Variants in SIGIRR observed in about 807,000 individuals in gnomAD.
SIGIRR encodes single Ig and TIR domain containing.
Under a neutral mutation model 45.6 loss-of-function variants are expected in SIGIRR, and 41 were observed. That is an observed-to-expected ratio of 0.90 (90% CI 0.70 to 1.17). SIGIRR has a LOEUF of 1.17. SIGIRR is among the 50% of genes most tolerant of loss of function. SIGIRR has a pLI of 0.00. For synonymous variants in SIGIRR, 298 were observed against 239.0 expected (o/e 1.25, Z -2.28); for missense variants, 599 against 539.6 (o/e 1.11, Z -1.09).
chr11:416,751 G>C (rs1847895240), upstream of SIGIRR, among the ~76,000 whole-genome samples: 1 of 152,144 alleles, frequency 6.6e-6, no homozygotes, highest in South Asian at 2.1e-4. The surrounding 1 kb of genome is among the most constrained non-coding windows in gnomAD (Gnocchi z 9.1). Flanking sequence ...AGGGGCTCTG[G>C]TTCGCTCCCC....
Position 408,823 on chromosome 11 carries a change from G to A in SIGIRR, c.78C>T (p.Ser26=). The change falls in exon 3 of 10, where the codon AGC becomes AGT. Residue 26 remains serine, a synonymous_variant. Coordinates refer to ENST00000431843, the MANE Select transcript of SIGIRR (RefSeq NM_001135054.2). ...EDQVLRPALG[S]SVALNCTAWV... Reference sequence around the variant, plus strand: ...AAGCCGTGCAGTTCAGAGCCACTGAGCTGCCCAAGGCAGGCCTCAGCACCT... The same window carrying A: ...AAGCCGTGCAGTTCAGAGCCACTGAACTGCCCAAGGCAGGCCTCAGCACCT... 1 of 1,612,812 alleles carries A rather than the reference G, an allele frequency of 6.2e-7. No individual in the cohort carries two copies. The highest frequency in any genetic ancestry group is 8.5e-7 in the Non-Finnish European group (1 of 1,179,980).
rs1847309804 is a variant in SIGIRR at position 406,493 on chromosome 11, G to A, written c.925C>T (p.Arg309Trp). The A allele has an allele frequency of 6.2e-7, 1 of 1,611,630 alleles. No individual in the cohort carries two copies. The highest frequency in any genetic ancestry group is 8.5e-7 in the Non-Finnish European group (1 of 1,179,098). Residue 309 changes from arginine to tryptophan, a missense_variant, in exon 9 of 10, where the codon CGG (arginine) becomes TGG (tryptophan). By Grantham distance (101) the Arg-to-Trp change is moderately radical. Coordinates refer to ENST00000431843, the MANE Select transcript of SIGIRR (RefSeq NM_001135054.2). ...TCCACAGGCCTGTACTGCACCTTCCGCGGCAGCGCCAGCTGCACTTCTTTC... is the reference window on the plus strand; with the variant it reads ...TCCACAGGCCTGTACTGCACCTTCCACGGCAGCGCCAGCTGCACTTCTTTC... ...FWKEVQLALP[R>W]KVQYRPVEGD...
upstream of SIGIRR, among the ~76,000 whole-genome samples, chr11:416,391 A>G (rs554951213): frequency 1.3e-5 from 2 of 151,646 alleles, no homozygotes; most frequent in East Asian, 3.9e-4. This position sits in a 1 kb window ranked among gnomAD's most constrained non-coding sequence, Gnocchi z 9.1. Flanking sequence ...TCCACCGTCC[A>G]GGGTGAGCAT....
intron 8 of SIGIRR, 39 bp from the exon 9 acceptor site, chr11:406,577 C>A: frequency 6.4e-7 from 1 of 1,564,116 alleles, no homozygotes; most frequent in South Asian, 1.2e-5. Context: ...GTGTGAACAC[C>A]TCGGAAGCCC....
chr11:406,205 C>T (rs1179536334), intron 9 of SIGIRR, 144 bp downstream of exon 9: 1 of 1,538,686 alleles, frequency 6.5e-7, no homozygotes, highest in East Asian at 2.4e-5. Flanking sequence ...CGAGCACCTC[C>T]AGGGCAGAGG....
intron 9 of SIGIRR, 54 bp downstream of exon 9, chr11:406,295 A>T: frequency 6.3e-7 from 1 of 1,586,374 alleles, no homozygotes; most frequent in East Asian, 2.3e-5. Flanking sequence ...GCCTGCCCCC[A>T]CTCCGCCCTG....
intron 9 of SIGIRR, 120 bp downstream of exon 9, chr11:406,226 GCTC>G: frequency 6.5e-7 from 1 of 1,540,358 alleles, no homozygotes; most frequent in Non-Finnish European, 8.7e-7. Flanking sequence ...CCGTGCAGGG[GCTC>G]CCGGTGCCGG....
At chr11:406,196 G>C (rs776210582) in intron 9 of SIGIRR, 137 bp from the exon 10 acceptor site, 2 of 1,538,104 alleles carry the variant, frequency 1.3e-6, no homozygotes, top group Non-Finnish European at 1.7e-6. Context: ...ACCGAGGGCC[G>C]AGCACCTCCA....
chr11:406,952 A>G lies in SIGIRR; in HGVS notation c.770T>C (p.Ile257Thr). The G allele has an allele frequency of 6.2e-7, 1 of 1,602,678 alleles. No individual in the cohort carries two copies. Among genetic ancestry groups the G allele is most frequent in the Non-Finnish European group, 8.5e-7 (1 of 1,178,064 alleles). ...CRLLELTRRP[I>T]FITFEGQRRD... ...CCTCTGGCCCTCGAAGGTGATGAAGATGGGTCTGCGGGTGAGCTCCAGCAG... is the reference window on the plus strand; with the variant it reads ...CCTCTGGCCCTCGAAGGTGATGAAGGTGGGTCTGCGGGTGAGCTCCAGCAG... Residue 257 changes from isoleucine (I) to threonine (T), a missense_variant, in exon 8 of 10, where the codon ATC becomes ACC. Transcript: ENST00000431843.
At position 406,875 on chromosome 11, in the gene SIGIRR, C is replaced by T; in HGVS notation, c.847G>A (p.Val283Met). The change falls in exon 8 of 10, where the codon GTG becomes ATG. Residue 283 changes from valine to methionine, a missense_variant. Transcript: ENST00000431843. ...CCGGGCCTCCAGAGCAGCAAGGTCACCAGGTGGCGGTGCTGGCGCAGCAGG... is the reference window on the plus strand; with the variant it reads ...CCGGGCCTCCAGAGCAGCAAGGTCATCAGGTGGCGGTGCTGGCGCAGCAGG... ...LRLLRQHRHL[V>M]TLLLWRPGSV... is the part of the protein sequence containing the mutation. 6.3e-7 allele frequency: 1 copy of T among 1,580,364 alleles called. No homozygotes were observed. Among genetic ancestry groups the T allele is most frequent in the Non-Finnish European group, 8.6e-7 (1 of 1,169,486 alleles).
At position 408,813 on chromosome 11, in the gene SIGIRR, G is replaced by C; in HGVS notation, c.88C>G (p.Leu30Val). ...LRPALGSSVA[L>V]NCTAWVVSGP... ...GAGACTACCCAAGCCGTGCAGTTCAGAGCCACTGAGCTGCCCAAGGCAGGC... is the reference window on the plus strand; with the variant it reads ...GAGACTACCCAAGCCGTGCAGTTCACAGCCACTGAGCTGCCCAAGGCAGGC... The change falls in exon 3 of 10, where the codon CTG becomes GTG. Residue 30 changes from leucine (L) to valine (V), a missense_variant. Leu to Val is a conservative substitution (Grantham distance 32). Transcript: ENST00000431843. 6.2e-7 allele frequency: 1 copy of C among 1,612,804 alleles called. No homozygotes were observed. The highest frequency in any genetic ancestry group is 1.1e-5 in the South Asian group (1 of 91,080).
intron 1 of SIGIRR, among the ~76,000 whole-genome samples, chr11:413,883 C>G (rs1847790515): frequency 7.4e-6 from 1 of 134,794 alleles, no homozygotes; most frequent in African/African-American, 2.8e-5. Flanking sequence ...CCTGCACCCT[C>G]TCCCCTCCCC....
chr11:406,391 C>T lies in SIGIRR; in HGVS notation c.1027G>A (p.Ala343Thr). ...TCCGGGTCCACCTCTGAGTCCAGGG[C>T]CCGGCCCTCAGGGACTCGGCCTCGA... ...ILRGRVPEGR[A>T]LDSEVDPDPE... The change falls in exon 9 of 10, where the codon GCC becomes ACC. Residue 343 changes from alanine (A) to threonine (T), a missense_variant. Physicochemically the swap from Ala to Thr is moderately conservative, Grantham distance 58. Coordinates refer to ENST00000431843, the MANE Select transcript of SIGIRR (RefSeq NM_001135054.2). 1 of 1,612,674 alleles carries T rather than the reference C, an allele frequency of 6.2e-7. No homozygotes were observed. Among genetic ancestry groups the T allele is most frequent in the Non-Finnish European group, 8.5e-7 (1 of 1,179,876 alleles).
rs373727526 is a variant in SIGIRR at position 407,013 on chromosome 11, G to A, written c.729-20C>T. The A allele has an allele frequency of 1.3e-6, 2 of 1,588,086 alleles. No individual in the cohort carries two copies. Among genetic ancestry groups the A allele is most frequent in the South Asian group, 2.3e-5 (2 of 88,592 alleles). Reference sequence around the variant, plus strand: ...CCCTCCCTGCGGGGCGGGACCGTCAGGGGGGTGGGTGCTACGCTGGGGCCC... The same window carrying A: ...CCCTCCCTGCGGGGCGGGACCGTCAAGGGGGTGGGTGCTACGCTGGGGCCC... On this transcript the variant is annotated intron_variant, in intron 7 of 9. Coordinates refer to ENST00000431843, the MANE Select transcript of SIGIRR (RefSeq NM_001135054.2).
At position 407,184 on chromosome 11, in the gene SIGIRR, G is replaced by A. The variant is rs1457482988; in HGVS notation, c.626-20C>T. The A allele has an allele frequency of 1.5e-6, 2 of 1,291,884 alleles. No individual in the cohort carries two copies. The highest frequency in any genetic ancestry group is 3.1e-5 in the East Asian group (1 of 32,610). 80.0% of individuals were successfully genotyped at this position (1,291,884 alleles called of 1,614,324 possible). On this transcript the variant is annotated intron_variant, in intron 6 of 9. Coordinates refer to ENST00000431843, the MANE Select transcript of SIGIRR (RefSeq NM_001135054.2). Reference sequence around the variant, plus strand: ...AGGGCTCTGCGGGAGGGCGGGCGTCGGCGGCGCAGGGGCGGGGGCGGGGGA... The same window carrying A: ...AGGGCTCTGCGGGAGGGCGGGCGTCAGCGGCGCAGGGGCGGGGGCGGGGGA...
Position 405,716 on chromosome 11 carries a change from C to T in SIGIRR, c.*180G>A. The T allele has an allele frequency of 5.9e-6, 4 of 683,706 alleles. No homozygotes were observed. The South Asian group carries it at 9.5e-5, about 16-fold the overall frequency. 42.4% of individuals were successfully genotyped at this position (683,706 alleles called of 1,614,324 possible). On this transcript the variant is annotated 3_prime_UTR_variant, in exon 10 of 10. Coordinates refer to ENST00000431843, the MANE Select transcript of SIGIRR (RefSeq NM_001135054.2). ...GCAAGGGAGGAGACCGAGGCCCCAG[C>T]AGAATCCAAAAGGACTTTATTTTCT...
intron 2 of SIGIRR, 136 bp from the exon 3 acceptor site, chr11:409,029 T>A: frequency 1.3e-6 from 1 of 779,236 alleles, no homozygotes; most frequent in Admixed American, 2.1e-5. Context: ...ACGAGTCCCA[T>A]GGGGACAGGC....
At position 406,546 on chromosome 11, in the gene SIGIRR, C is replaced by A; in HGVS notation, c.880-8G>T. ...AAAATCGGAGGAAGGAGTCTGGGGG[C>A]CAGGTCGGGGCGGTTTGCAGGTGTG... is the stretch of plus-strand genomic sequence containing the variant. On this transcript the variant is annotated splice_polypyrimidine_tract_variant and splice_region_variant and intron_variant, in intron 8 of 9. Transcript: ENST00000431843. 6.2e-7 allele frequency: 1 copy of A among 1,604,906 alleles called. No individual in the cohort carries two copies. Among genetic ancestry groups the A allele is most frequent in the Non-Finnish European group, 8.5e-7 (1 of 1,174,822 alleles).
Position 407,941 on chromosome 11 carries a change from C to T in SIGIRR, c.357G>A (p.Val119=), listed in dbSNP as rs1439881203. 1 of 1,609,812 alleles carries T rather than the reference C, an allele frequency of 6.2e-7. No homozygotes were observed. The highest frequency in any genetic ancestry group is 1.7e-5 in the Admixed American group (1 of 59,756). The change falls in exon 5 of 10, where the codon GTG becomes GTA. Residue 119 remains valine (V), a synonymous_variant. Coordinates refer to ENST00000431843, the MANE Select transcript of SIGIRR (RefSeq NM_001135054.2). ...CCAGGAGGGAGGCCAGCACCGCAGC[C>T]ACGTGGCTTGTAGGGCCTGCGGATG... ...TLQRAGPTSH[V]AAVLASLLVL... is the part of the protein sequence containing the mutation.
Sources: gnomAD v4.1 joint callset for allele counts (sites outside exome capture counted in the v4.1 genomes callset) on GRCh38, gnomAD v4.1.1 for gene constraint, Gnocchi (gnomAD v3.1) non-coding constraint, MANE v1.5 for transcripts, NCBI Gene and HGNC (gene_info 2026-07-23, HGNC 2026-07-21) for gene names.